AGFG1: variants seen among roughly 807,000 people sequenced by gnomAD.
The protein encoded by AGFG1 is ArfGAP with FG repeats 1.
AGFG1 carries 10 observed loss-of-function variants against 60.6 expected under a neutral mutation model. The ratio of observed to expected loss-of-function variants is 0.16; its 90% confidence interval spans 0.10 to 0.28. The LOEUF is 0.28. Ranked by LOEUF, AGFG1 falls within the 10% of genes least tolerant of loss-of-function variation. AGFG1 has a pLI of 1.00. For missense variants in AGFG1, 537 were observed against 676.5 expected, an observed-to-expected ratio of 0.79 and a Z score of 2.29; for synonymous variants, 247 against 242.9, an observed-to-expected ratio of 1.02 and a Z score of -0.16.
At chr2:227,543,924 A>G (rs1373465281) in intron 10 of AGFG1, among the ~76,000 whole-genome samples, 1 of 152,072 alleles carries the variant, frequency 6.6e-6, no homozygotes, top group Non-Finnish European at 1.5e-5. Flanking sequence ...CTTTACCATT[A>G]TGTAATGGTC....
In AGFG1 at chr2:227,560,757, G is replaced by C. The variant is rs1693115265; in HGVS notation, c.*6262G>C. Reference sequence around the variant, plus strand: ...TAGCTTCCTATGCTTTAGAAAAAATGTGAGTTATTACTCTGAAAGTTGTGA... The same window carrying C: ...TAGCTTCCTATGCTTTAGAAAAAATCTGAGTTATTACTCTGAAAGTTGTGA... On this transcript the variant is annotated 3_prime_UTR_variant, in exon 13 of 13. Transcript: ENST00000310078. The C allele has an allele frequency of 6.6e-6, 1 of 152,136 alleles. No homozygotes were observed. Among genetic ancestry groups the C allele is most frequent in the Non-Finnish European group, 1.5e-5 (1 of 67,974 alleles). The allele number at this position is 152,136 out of a possible 1,614,324, so 9.4% of individuals were successfully genotyped here. A position where few individuals can be genotyped will look rare whatever the true frequency, so the allele number is the denominator to read the frequency against.
At chr2:227,524,539 C>CGTA (rs139944233) in intron 4 of AGFG1, among the ~76,000 whole-genome samples, 9 of 152,214 alleles carry the variant, frequency 5.9e-5, no homozygotes, top group Non-Finnish European at 1.2e-4. Context: ...GGTTCAGAGG[C>CGTA]GTAGTACTGT....
chr2:227,475,093 T>TA (rs1211596394), intron 1 of AGFG1, among the ~76,000 whole-genome samples: 1 of 152,186 alleles, frequency 6.6e-6, no homozygotes, highest in Non-Finnish European at 1.5e-5. Context: ...AATATCCTAA[T>TA]AAAAATCTGT....
At chr2:227,507,295 T>C (rs1466178817) in intron 2 of AGFG1, among the ~76,000 whole-genome samples, 2 of 152,178 alleles carry the variant, frequency 1.3e-5, no homozygotes, top group Admixed American at 1.3e-4. Flanking sequence ...AGAAATCAGC[T>C]GGCTCCTACC....
At chr2:227,543,320 C>G (rs994634549) in intron 10 of AGFG1, among the ~76,000 whole-genome samples, 17 of 152,194 alleles carry the variant, frequency 1.1e-4, no homozygotes, top group Admixed American at 6.5e-4. Flanking sequence ...CTACACACTG[C>G]TTTAAATCTG....
At position 227,505,984 on chromosome 2, in the gene AGFG1, C is replaced by T. The variant is rs548511208; in HGVS notation, c.262-13964C>T. ...GTCTTGAACTCCTAATCTCGTGATCCACCTGCCTTGGCCTTCCAAAATGCT... is the reference window on the plus strand; with the variant it reads ...GTCTTGAACTCCTAATCTCGTGATCTACCTGCCTTGGCCTTCCAAAATGCT... On this transcript the variant is annotated intron_variant, in intron 2 of 12. Transcript: ENST00000310078. Among the ~76,000 whole-genome samples, 15 of 152,274 alleles carry T rather than the reference C, an allele frequency of 9.9e-5. 1 individual carries two copies. In the South Asian group the frequency reaches 3.1e-3, roughly 32 times the overall value.
In AGFG1 at chr2:227,555,471, T is replaced by A. The variant is rs1161287855; in HGVS notation, c.*976T>A. The stretch of plus-strand genomic sequence containing the variant: ...AAAAGGCCTATTTTAACTATTGATT[T>A]TTTTTAAAAAAAATTGTCTTTGAAT... On this transcript the variant is annotated 3_prime_UTR_variant, in exon 13 of 13. Transcript: ENST00000310078. 1 of 152,600 alleles carries A rather than the reference T, an allele frequency of 6.6e-6. No homozygotes were observed. Among genetic ancestry groups the A allele is most frequent in the Non-Finnish European group, 1.5e-5 (1 of 68,002 alleles). 9.5% of individuals were successfully genotyped at this position (152,600 alleles called of 1,614,324 possible).
chr2:227,526,349 G>A (rs1248068828), intron 5 of AGFG1, among the ~76,000 whole-genome samples: 1 of 150,858 alleles, frequency 6.6e-6, no homozygotes, highest in Non-Finnish European at 1.5e-5. Flanking sequence ...GTGTGCCACA[G>A]CACCCGAAAT....
rs140270575 is a variant in AGFG1 at position 227,488,972 on chromosome 2, C to T, written c.168-2575C>T. Among the ~76,000 whole-genome samples, 62 of 152,076 alleles carry T rather than the reference C, an allele frequency of 4.1e-4. 1 individual carries two copies. The highest frequency in any genetic ancestry group is 1.5e-3 in the African/African-American group (61 of 41,464). On this transcript the variant is annotated intron_variant, in intron 1 of 12. Coordinates refer to ENST00000310078, the MANE Select transcript of AGFG1 (RefSeq NM_004504.5). ...GGGACTACAGGCGTGCGACACCATG[C>T]CCAGATAATTTTTGTAGTTTTTAGT...
intron 1 of AGFG1, among the ~76,000 whole-genome samples, chr2:227,473,061 C>T (rs1304619000): frequency 7.2e-6 from 1 of 138,998 alleles, no homozygotes. Flanking sequence ...GAGCGAGGCA[C>T]CTGCTGGGCG....
chr2:227,472,784 T>G (rs1292921146), intron 1 of AGFG1, among the ~76,000 whole-genome samples, 196 bp downstream of exon 1: 1 of 127,358 alleles, frequency 7.9e-6, no homozygotes, highest in Non-Finnish European at 1.6e-5. Context: ...GCAGCCGGGC[T>G]GGGGATGCGT....
At chr2:227,538,166 AG>A (rs1692370986) in intron 10 of AGFG1, among the ~76,000 whole-genome samples, 1 of 152,126 alleles carries the variant, frequency 6.6e-6, no homozygotes, top group South Asian at 2.1e-4. Flanking sequence ...TTGTGGACTG[AG>A]TTTGTAAAAT....
At chr2:227,482,557 T>A (rs1690500761) in intron 1 of AGFG1, among the ~76,000 whole-genome samples, 1 of 152,244 alleles carries the variant, frequency 6.6e-6, no homozygotes, top group African/African-American at 2.4e-5. Flanking sequence ...GATCTAAATG[T>A]CAACTTTATT....
chr2:227,523,812 A>G lies in AGFG1; in HGVS notation c.427A>G (p.Ile143Val), dbSNP rs778303580. ...AGTCGTGGCATCAGTTCATGCATCT[A>G]TTTCAGGGTCCTCTGCCAGTAGCAC... ...AKVVASVHAS[I>V]SGSSASSTSS... The change falls in exon 4 of 13, where the codon ATT becomes GTT. Residue 143 changes from isoleucine to valine, a missense_variant. By Grantham distance (29) the Ile-to-Val change is conservative. Transcript: ENST00000310078. 1.1e-5 allele frequency: 18 copies of G among 1,613,902 alleles called. No individual in the cohort carries two copies. The highest frequency in any genetic ancestry group is 2.2e-5 in the South Asian group (2 of 91,082).
At chr2:227,553,509 AAAAG>A (rs1037988250) in intron 11 of AGFG1, among the ~76,000 whole-genome samples, 191 bp from the exon 12 acceptor site, 3 of 149,830 alleles carry the variant, frequency 2.0e-5, no homozygotes, top group African/African-American at 7.6e-5. Flanking sequence ...AAAAAAAAAA[AAAAG>A]GTTATTTTAA....
intron 1 of AGFG1, among the ~76,000 whole-genome samples, chr2:227,486,206 A>G (rs1690633598): frequency 6.6e-6 from 1 of 152,160 alleles, no homozygotes. Context: ...TGTGTATAAC[A>G]TGGGACACAT....
chr2:227,550,543 A>G (rs1432047046), intron 10 of AGFG1, among the ~76,000 whole-genome samples: 1 of 152,184 alleles, frequency 6.6e-6, no homozygotes, highest in African/African-American at 2.4e-5. Context: ...GTCGTCTGTT[A>G]TGAAGCCCTC....
intron 2 of AGFG1, among the ~76,000 whole-genome samples, chr2:227,506,346 G>C: frequency 6.6e-6 from 1 of 152,072 alleles, no homozygotes; most frequent in Non-Finnish European, 1.5e-5. Context: ...CATAGGTCAG[G>C]AGTGAGCCAG....
chr2:227,522,197 T>A (rs1458244762), intron 3 of AGFG1, among the ~76,000 whole-genome samples: 3 of 152,156 alleles, frequency 2.0e-5, no homozygotes, highest in African/African-American at 7.2e-5. Context: ...GAAAATAGAT[T>A]AAAATACACC....
Sources: gnomAD v4.1 joint callset for allele counts (sites outside exome capture counted in the v4.1 genomes callset) on GRCh38, gnomAD v4.1.1 for gene constraint, MANE v1.5 for transcripts, NCBI Gene and HGNC (gene_info 2026-07-23, HGNC 2026-07-21) for gene names.